The following LMX1A variants were observed in gnomAD, a reference collection of about 807,000 sequenced individuals.
The protein encoded by LMX1A is LIM homeobox transcription factor 1 alpha, also known as LIM homeobox transcription factor 1-alpha.
Under a neutral mutation model 49.1 loss-of-function variants are expected in LMX1A, and 15 were observed. The observed-to-expected ratio is 0.31, with a 90% CI of 0.20 to 0.47. LMX1A has a LOEUF of 0.47. LMX1A is among the 20% of genes least tolerant of loss of function. LMX1A has a pLI of 1.00. For synonymous variants in LMX1A, 167 were observed against 185.7 expected (o/e 0.90, Z 0.82); for missense variants, 372 against 475.8 (o/e 0.78, Z 2.03).
intron 3 of LMX1A, among the ~76,000 whole-genome samples, chr1:165,349,438 A>C (rs925239983): frequency 2.0e-5 from 3 of 152,218 alleles, no homozygotes; most frequent in African/African-American, 4.8e-5. Context: ...CTTTTAAAAC[A>C]TCTACACCTA....
intron 3 of LMX1A, among the ~76,000 whole-genome samples, chr1:165,307,932 CA>C (rs1654967155): frequency 1.3e-5 from 2 of 152,124 alleles, no homozygotes; most frequent in Non-Finnish European, 2.9e-5. Context: ...GGCCACCAAC[CA>C]TGGCTACAAA....
In LMX1A at chr1:165,208,208, G is replaced by A. The variant is rs538692110; in HGVS notation, c.748-76C>T. The A allele has an allele frequency of 8.5e-5, 114 of 1,346,916 alleles. 1 individual carries two copies. The South Asian group carries it at 1.3e-3, about 15-fold the overall frequency. 83.4% of individuals were successfully genotyped at this position (1,346,916 alleles called of 1,614,324 possible). Reference sequence around the variant, plus strand: ...TCACAAAGTAAGGGGGGGCCTGGAAGTGACACCTTCCCCGGGAGAGGGCTT... The same window carrying A: ...TCACAAAGTAAGGGGGGGCCTGGAAATGACACCTTCCCCGGGAGAGGGCTT... On this transcript the variant is annotated intron_variant, in intron 6 of 8. Coordinates refer to ENST00000342310, the MANE Select transcript of LMX1A (RefSeq NM_177398.4).
At chr1:165,261,076 T>C (rs150476614) in intron 3 of LMX1A, among the ~76,000 whole-genome samples, 379 of 152,274 alleles carry the variant, frequency 2.5e-3, no homozygotes, top group Non-Finnish European at 2.9e-3. Flanking sequence ...CCAGCAGTAA[T>C]GGAGCCTGTG....
Position 165,319,037 on chromosome 1 carries a change from ACACACC to A in LMX1A, c.263+34033_263+34038del, listed in dbSNP as rs756546820. Among the ~76,000 whole-genome samples, 372 of 147,384 alleles carry A rather than the reference ACACACC, an allele frequency of 2.5e-3. 1 individual carries two copies. Among genetic ancestry groups the A allele is most frequent in the Middle Eastern group, 6.9e-3 (2 of 290 alleles). ...CACACACACACACACACACACACACACACACCCCAACTTCTTAGTAGGAACTAGACA... is the reference window on the plus strand; with the variant it reads ...CACACACACACACACACACACACACACCAACTTCTTAGTAGGAACTAGACA... On this transcript the variant is annotated intron_variant, in intron 3 of 8. Transcript: ENST00000342310.
intron 3 of LMX1A, among the ~76,000 whole-genome samples, chr1:165,318,490 A>T (rs1298296864): frequency 6.6e-6 from 1 of 151,894 alleles, no homozygotes; most frequent in Non-Finnish European, 1.5e-5. Context: ...TTCTCTGAGG[A>T]CTCCAAGCCA....
At chr1:165,333,857 T>C (rs1195589118) in intron 3 of LMX1A, among the ~76,000 whole-genome samples, 1 of 152,210 alleles carries the variant, frequency 6.6e-6, no homozygotes. Context: ...TTAGGTGTTT[T>C]CTAATATCCC....
intron 3 of LMX1A, among the ~76,000 whole-genome samples, chr1:165,307,396 C>T (rs551906110): frequency 4.6e-4 from 70 of 152,306 alleles, no homozygotes; most frequent in African/African-American, 1.6e-3. Context: ...CACAAGCATT[C>T]TGGATAGCCA....
intron 4 of LMX1A, among the ~76,000 whole-genome samples, chr1:165,229,858 C>T (rs1028440710): frequency 3.3e-5 from 5 of 152,100 alleles, no homozygotes; most frequent in Admixed American, 1.3e-4. Flanking sequence ...CCAAAAATGC[C>T]AATAATGCTT....
chr1:165,244,003 C>G (rs1299270754), intron 4 of LMX1A, among the ~76,000 whole-genome samples: 1 of 152,212 alleles, frequency 6.6e-6, no homozygotes, highest in East Asian at 1.9e-4. Context: ...CCCCTAACCC[C>G]TAATCCTTCA....
intron 3 of LMX1A, 45 bp downstream of exon 3, chr1:165,353,031 C>CTGCT: frequency 6.3e-7 from 1 of 1,597,546 alleles, no homozygotes; most frequent in Non-Finnish European, 8.6e-7. Context: ...TCGACGCACA[C>CTGCT]TGATGCCAGT....
At chr1:165,226,588 G>A (rs1374944320) in intron 4 of LMX1A, among the ~76,000 whole-genome samples, 1 of 152,204 alleles carries the variant, frequency 6.6e-6, no homozygotes, top group African/African-American at 2.4e-5. Context: ...TGTGGGTGCA[G>A]CTGAGCTTCG....
At chr1:165,343,392 T>C (rs1656139868) in intron 3 of LMX1A, among the ~76,000 whole-genome samples, 1 of 148,404 alleles carries the variant, frequency 6.7e-6, no homozygotes, top group Non-Finnish European at 1.5e-5. Flanking sequence ...TTTACTCATA[T>C]ATAAATAATA....
intron 3 of LMX1A, among the ~76,000 whole-genome samples, chr1:165,254,845 A>T (rs1033242646): frequency 6.6e-6 from 1 of 152,174 alleles, no homozygotes; most frequent in Non-Finnish European, 1.5e-5. Context: ...CAGCTCATCA[A>T]GGCATACATA....
At chr1:165,323,845 T>C (rs1655493572) in intron 3 of LMX1A, among the ~76,000 whole-genome samples, 1 of 123,978 alleles carries the variant, frequency 8.1e-6, no homozygotes, top group African/African-American at 2.7e-5. Flanking sequence ...GATTGTAAAA[T>C]ACCAAAGGCA....
At chr1:165,320,142 G>A (rs1011397982) in intron 3 of LMX1A, among the ~76,000 whole-genome samples, 5 of 152,124 alleles carry the variant, frequency 3.3e-5, no homozygotes, top group African/African-American at 1.2e-4. Flanking sequence ...TAGAAAATTG[G>A]GATCTTTTGA....
chr1:165,244,096 A>C (rs1191351924), intron 4 of LMX1A, among the ~76,000 whole-genome samples: 2 of 151,994 alleles, frequency 1.3e-5, no homozygotes, highest in Non-Finnish European at 2.9e-5. Context: ...ATGTAATAAA[A>C]CTCCCACAAA....
At chr1:165,229,581 G>C (rs1652168708) in intron 4 of LMX1A, among the ~76,000 whole-genome samples, 1 of 152,190 alleles carries the variant, frequency 6.6e-6, no homozygotes, top group African/African-American at 2.4e-5. Flanking sequence ...TATGAAATGA[G>C]GGAGTTGTGA....
intron 3 of LMX1A, among the ~76,000 whole-genome samples, chr1:165,251,151 C>T (rs893849972): frequency 1.3e-5 from 2 of 151,008 alleles, no homozygotes; most frequent in African/African-American, 4.9e-5. Flanking sequence ...GGCGTGATCT[C>T]GGCTCACTGC....
chr1:165,329,378 A>G (rs1655674887), intron 3 of LMX1A, among the ~76,000 whole-genome samples: 1 of 151,892 alleles, frequency 6.6e-6, no homozygotes, highest in Non-Finnish European at 1.5e-5. Flanking sequence ...AGTCTCCCAC[A>G]CAGAGGAGAT....
Sources: allele counts gnomAD v4.1 joint callset (sites outside exome capture counted in the v4.1 genomes callset), GRCh38; gene constraint gnomAD v4.1.1; transcripts MANE v1.5; gene names NCBI Gene and HGNC (gene_info 2026-07-23, HGNC 2026-07-21).